Variants in PPP3CA observed in about 807,000 individuals in gnomAD.
PPP3CA encodes the protein CAM-PRP catalytic subunit.
PPP3CA carries 14 observed loss-of-function variants against 66.5 expected under a neutral mutation model. The observed-to-expected ratio is 0.21, with a 90% confidence interval of 0.14 to 0.33. PPP3CA has a LOEUF of 0.33. PPP3CA is among the 10% of genes least tolerant of loss of function. PPP3CA has a pLI of 1.00. For synonymous variants in PPP3CA, 232 were observed against 226.2 expected (o/e 1.03, Z -0.23); for missense variants, 317 against 639.5 (o/e 0.50, Z 5.44).
At chr4:101,250,907 G>A (rs1006016769) in intron 1 of PPP3CA, among the ~76,000 whole-genome samples, 2 of 152,038 alleles carry the variant, frequency 1.3e-5, no homozygotes, top group African/African-American at 2.4e-5. Context: ...TTACCAAGGG[G>A]CTCTTTTCCC....
intron 10 of PPP3CA, among the ~76,000 whole-genome samples, chr4:101,048,990 GA>G (rs1342912162): frequency 6.6e-6 from 1 of 152,070 alleles, no homozygotes; most frequent in African/African-American, 2.4e-5. Flanking sequence ...AGGAAGGCCA[GA>G]AGAGCCTAAA....
intron 2 of PPP3CA, among the ~76,000 whole-genome samples, chr4:101,151,371 C>A: frequency 6.6e-6 from 1 of 151,808 alleles, no homozygotes; most frequent in East Asian, 2.0e-4. Flanking sequence ...ACCAGCCTGG[C>A]CAAGATGGTG....
intron 1 of PPP3CA, among the ~76,000 whole-genome samples, chr4:101,280,482 A>T (rs2850975): frequency 0.3 from 45,960 of 151,976 alleles, 9,500 homozygotes; most frequent in African/African-American, 0.55. Flanking sequence ...TATTTTGTAT[A>T]TATGAGACTA....
intron 6 of PPP3CA, among the ~76,000 whole-genome samples, chr4:101,086,928 T>C (rs1171933683): frequency 6.6e-6 from 1 of 152,198 alleles, no homozygotes; most frequent in East Asian, 1.9e-4. Context: ...AGGTGAGAGA[T>C]GCAAAGGGTT....
intron 1 of PPP3CA, among the ~76,000 whole-genome samples, chr4:101,332,267 A>T (rs1234731529): frequency 2.6e-5 from 4 of 152,240 alleles, no homozygotes; most frequent in African/African-American, 9.6e-5. Context: ...TGATCAGCCT[A>T]CAGGCATTAA....
chr4:101,338,407 A>C (rs1459422647), intron 1 of PPP3CA, among the ~76,000 whole-genome samples: 2 of 152,248 alleles, frequency 1.3e-5, no homozygotes, highest in Non-Finnish European at 2.9e-5. Context: ...TTCAAAACAT[A>C]AAGGAACCCC....
intron 2 of PPP3CA, among the ~76,000 whole-genome samples, chr4:101,156,451 C>T (rs1319568669): frequency 6.6e-6 from 1 of 152,168 alleles, no homozygotes; most frequent in Non-Finnish European, 1.5e-5. Flanking sequence ...GAGGCTGAGG[C>T]CGGCAGATCA....
chr4:101,119,227 C>G (rs894338719), intron 2 of PPP3CA, among the ~76,000 whole-genome samples: 1 of 151,940 alleles, frequency 6.6e-6, no homozygotes, highest in Non-Finnish European at 1.5e-5. Flanking sequence ...ATATTGAAAG[C>G]TATTAAGGCT....
At chr4:101,138,677 G>C (rs1044364981) in intron 2 of PPP3CA, among the ~76,000 whole-genome samples, 7 of 152,012 alleles carry the variant, frequency 4.6e-5, no homozygotes, top group Non-Finnish European at 8.8e-5. Context: ...TTCAGATTAG[G>C]GATGCTCCCC....
intron 2 of PPP3CA, among the ~76,000 whole-genome samples, chr4:101,152,404 G>A (rs1328023107): frequency 6.6e-6 from 1 of 152,112 alleles, no homozygotes; most frequent in Non-Finnish European, 1.5e-5. Flanking sequence ...ATTTGAAAAA[G>A]ATTTTTCTTT....
chr4:101,285,054 A>C (rs543580203), intron 1 of PPP3CA, among the ~76,000 whole-genome samples: 34 of 152,176 alleles, frequency 2.2e-4, no homozygotes, highest in African/African-American at 8.2e-4. Context: ...AACCACACAA[A>C]CACAAACCCA....
rs571525224 is a variant in PPP3CA at position 101,155,552 on chromosome 4, T to C, written c.259+40364A>G. 1.1e-4 allele frequency among the ~76,000 whole-genome samples: 16 copies of C among 152,326 alleles called. No homozygotes were observed. In the South Asian group the frequency reaches 3.3e-3, roughly 32 times the overall value. On this transcript the variant is annotated intron_variant, in intron 2 of 13. Transcript: ENST00000394854. ...CTCAGAGGGTAGCTAGCCTTTAAAC[T>C]GAATCTTTGTTAAGCCAGGAGAGAC...
intron 2 of PPP3CA, among the ~76,000 whole-genome samples, chr4:101,117,942 ATAT>A (rs1721896470): frequency 6.6e-6 from 1 of 151,970 alleles, no homozygotes; most frequent in East Asian, 1.9e-4. Context: ...CTACATATAA[ATAT>A]TAATAAGTTA....
rs918613398 is a variant in PPP3CA, at chr4:101,026,171, T to G, written c.1370-110A>C. 2.1e-5 allele frequency: 19 copies of G among 890,628 alleles called. No individual in the cohort carries two copies. The African/African-American group carries it at 2.5e-4, about 12-fold the overall frequency. The allele number at this position is 890,628 out of a possible 1,614,324, so 55.2% of individuals were successfully genotyped here. On this transcript the variant is annotated intron_variant, in intron 13 of 13. Coordinates refer to ENST00000394854, the MANE Select transcript of PPP3CA (RefSeq NM_000944.5). ...AGATTTCTCAGTGAGAGGGAATCCT[T>G]CAGTGAAGAACAAAGTGACGGGACC...
At chr4:101,284,568 A>G (rs1343118799) in intron 1 of PPP3CA, among the ~76,000 whole-genome samples, 2 of 152,204 alleles carry the variant, frequency 1.3e-5, no homozygotes, top group African/African-American at 4.8e-5. Context: ...AAATCTCATG[A>G]TTACACAAGT....
chr4:101,320,992 G>A (rs1462283750), intron 1 of PPP3CA, among the ~76,000 whole-genome samples: 3 of 152,162 alleles, frequency 2.0e-5, no homozygotes, highest in Non-Finnish European at 4.4e-5. Flanking sequence ...TCACAGAGAG[G>A]TAAAGACAAG....
rs185126715 is a variant in PPP3CA at position 101,213,620 on chromosome 4, T to G, written c.59-17504A>C. Among the ~76,000 whole-genome samples, 243 of 152,284 alleles carry G rather than the reference T, an allele frequency of 1.6e-3. 1 individual carries two copies. The highest frequency in any genetic ancestry group is 0.014 in the Middle Eastern group (4 of 294). Reference sequence around the variant, plus strand: ...ACTATCCACATATGCTTTACATTTTTTAACACATTTTCATATGTATGATTT... The same window carrying G: ...ACTATCCACATATGCTTTACATTTTGTAACACATTTTCATATGTATGATTT... On this transcript the variant is annotated intron_variant, in intron 1 of 13. Coordinates refer to ENST00000394854, the MANE Select transcript of PPP3CA (RefSeq NM_000944.5).
At position 101,092,096 on chromosome 4, in the gene PPP3CA, C is replaced by T. The variant is rs566338607; in HGVS notation, c.782+1680G>A. 2.0e-4 allele frequency among the ~76,000 whole-genome samples: 30 copies of T among 151,994 alleles called. No individual in the cohort carries two copies. In the South Asian group the frequency reaches 5.4e-3, roughly 27 times the overall value. Reference sequence around the variant, plus strand: ...CAGTGAGGTCATGCAGAAACCTAATCGTGTTGCAGATTCCTTTCTGAAGTG... The same window carrying T: ...CAGTGAGGTCATGCAGAAACCTAATTGTGTTGCAGATTCCTTTCTGAAGTG... On this transcript the variant is annotated intron_variant, in intron 6 of 13. Coordinates refer to ENST00000394854, the MANE Select transcript of PPP3CA (RefSeq NM_000944.5).
At chr4:101,099,060 A>C (rs1037575989) in intron 4 of PPP3CA, among the ~76,000 whole-genome samples, 1 of 152,214 alleles carries the variant, frequency 6.6e-6, no homozygotes, top group African/African-American at 2.4e-5. Flanking sequence ...TCTTCCATTT[A>C]ACTGTATTTA....
Sources: allele counts gnomAD v4.1 joint callset (sites outside exome capture counted in the v4.1 genomes callset), GRCh38; gene constraint gnomAD v4.1.1; transcripts MANE v1.5; gene names NCBI Gene and HGNC (gene_info 2026-07-23, HGNC 2026-07-21).